Variants in MAP3K1 observed in about 807,000 individuals in gnomAD.
The protein encoded by MAP3K1 is mitogen-activated protein kinase kinase kinase 1, also known as MAP/ERK kinase kinase 1.
MAP3K1 carries 36 observed loss-of-function variants against 144.2 expected under a neutral mutation model. The ratio of observed to expected loss-of-function variants is 0.25; its 90% confidence interval spans 0.19 to 0.33. The LOEUF (loss-of-function observed/expected upper bound fraction) is 0.33, where lower values mean the gene tolerates loss of function less well. Ranked by LOEUF, MAP3K1 falls within the 10% of genes least tolerant of loss-of-function variation. The pLI is 1.00. For synonymous variants in MAP3K1, 718 were observed against 688.7 expected (o/e 1.04, Z -0.67); for missense variants, 1,650 against 1,881.9 (o/e 0.88, Z 2.28).
chr5:56,891,204 A>G lies in MAP3K1; in HGVS notation c.4390-2327A>G, dbSNP rs1345391265. On this transcript the variant is annotated intron_variant, in intron 19 of 19. Transcript: ENST00000399503. The stretch of plus-strand genomic sequence containing the variant: ...CATCAGTAAGTTACATTTGGGGAAA[A>G]GAAGGAAGAGGGACTTTTTTTGTTT... 1.1e-4 allele frequency among the ~76,000 whole-genome samples: 16 copies of G among 148,954 alleles called. No individual in the cohort carries two copies. The East Asian group carries it at 2.9e-3, about 27-fold the overall frequency.
At position 56,882,026 on chromosome 5, in the gene MAP3K1, A is replaced by G. The variant is rs1301219834; in HGVS notation, c.2826A>G (p.Thr942=). The part of the protein sequence containing the change: ...ASISVGPSSS[T]TTTTTTTEQP... ...TTTCAGTAGGACCTTCTAGTTCAAC[A>G]ACAACAACAACAACAACAACAGAGC... Residue 942 remains threonine (T), a synonymous_variant, in exon 14 of 20, where the codon ACA becomes ACG. Coordinates refer to ENST00000399503, the MANE Select transcript of MAP3K1 (RefSeq NM_005921.2). 2 of 967,574 alleles carry G rather than the reference A, an allele frequency of 2.1e-6. No individual in the cohort carries two copies. Among genetic ancestry groups the G allele is most frequent in the African/African-American group, 3.3e-5 (2 of 60,942 alleles). 59.9% of individuals were successfully genotyped at this position (967,574 alleles called of 1,614,324 possible).
At chr5:56,884,915 C>A (rs1383106480) in intron 16 of MAP3K1, 89 bp downstream of exon 16, 4 of 1,240,172 alleles carry the variant, frequency 3.2e-6, no homozygotes, top group Non-Finnish European at 4.6e-6. Flanking sequence ...AAATTTATTT[C>A]TATCAAATAG....
chr5:56,874,032 T>C (rs1242770610), intron 9 of MAP3K1, among the ~76,000 whole-genome samples: 9 of 152,214 alleles, frequency 5.9e-5, no homozygotes, highest in Non-Finnish European at 1.2e-4. Context: ...GCCTAAGCTT[T>C]AGGTCAGACT....
intron 1 of MAP3K1, among the ~76,000 whole-genome samples, chr5:56,844,221 G>A (rs1465691372): frequency 6.3e-5 from 7 of 111,476 alleles, no homozygotes; most frequent in South Asian, 5.9e-4. Flanking sequence ...ACAGAGTCTC[G>A]CTCTGTCGCC....
At chr5:56,860,238 G>GA (rs1224017072) in intron 3 of MAP3K1, among the ~76,000 whole-genome samples, 15 of 151,982 alleles carry the variant, frequency 9.9e-5, no homozygotes, top group African/African-American at 3.4e-4. Context: ...AGCCATTAAA[G>GA]AAAAAAATGC....
At chr5:56,837,857 A>G (rs1022908375) in intron 1 of MAP3K1, among the ~76,000 whole-genome samples, 5 of 152,112 alleles carry the variant, frequency 3.3e-5, no homozygotes, top group Admixed American at 2.6e-4. Context: ...ACTGAGGAAG[A>G]TTTCTTCACA....
chr5:56,882,687 AATG>A lies in MAP3K1; in HGVS notation c.3493_3495del (p.Asp1165del), dbSNP rs765594045. ...TGTCCTGTCTCCTGAAAAGGCTGAA[AATG>A]ATGATACCTACAAAGATGATGTGAA... On this transcript the variant is annotated inframe_deletion, in exon 14 of 20. Coordinates refer to ENST00000399503, the MANE Select transcript of MAP3K1 (RefSeq NM_005921.2). 6.8e-6 allele frequency: 11 copies of A among 1,614,006 alleles called. No homozygotes were observed. Among genetic ancestry groups the A allele is most frequent in the Admixed American group, 5.0e-5 (3 of 59,982 alleles).
intron 1 of MAP3K1, chr5:56,820,328 C>A: frequency 1.6e-6 from 1 of 618,640 alleles, no homozygotes; most frequent in Non-Finnish European, 2.0e-6. Flanking sequence ...CAGTCCATTT[C>A]TTTCCACTAC....
intron 11 of MAP3K1, 146 bp downstream of exon 11, chr5:56,879,247 G>A (rs1748131903): frequency 4.2e-6 from 5 of 1,180,630 alleles, no homozygotes; most frequent in Admixed American, 1.8e-5. Context: ...AAATGAAAAT[G>A]CAGCATAAAG....
At chr5:56,893,414 G>A in intron 19 of MAP3K1, 117 bp from the exon 20 acceptor site, 1 of 1,089,780 alleles carries the variant, frequency 9.2e-7, no homozygotes, top group South Asian at 1.3e-5. Context: ...TCCCACTTCT[G>A]CTTCAGTTCC....
At chr5:56,859,440 A>G (rs1747436130) in intron 2 of MAP3K1, among the ~76,000 whole-genome samples, 1 of 152,140 alleles carries the variant, frequency 6.6e-6, no homozygotes, top group Admixed American at 6.5e-5. Flanking sequence ...AACAAATAAT[A>G]CCATTTCTAC....
intron 1 of MAP3K1, among the ~76,000 whole-genome samples, chr5:56,818,230 A>T (rs1012350673): frequency 6.6e-6 from 1 of 152,092 alleles, no homozygotes; most frequent in African/African-American, 2.4e-5. Context: ...AAGGGCTTGT[A>T]TCTTATTTGA....
intron 1 of MAP3K1, chr5:56,841,963 A>G (rs1470568691): frequency 6.6e-6 from 1 of 152,236 alleles, no homozygotes; most frequent in Admixed American, 6.5e-5. Context: ...ACAGAAAGAT[A>G]CAGATGGAAT....
rs1747344933 is a variant in MAP3K1, at chr5:56,856,408, CTGCATGATA to C, written c.483-190_483-182del. Among the ~76,000 whole-genome samples the C allele has an allele frequency of 3.3e-5, 5 of 152,248 alleles. No individual in the cohort carries two copies. The South Asian group carries it at 8.3e-4, about 25-fold the overall frequency. On this transcript the variant is annotated intron_variant, in intron 1 of 19. Coordinates refer to ENST00000399503, the MANE Select transcript of MAP3K1 (RefSeq NM_005921.2). The stretch of plus-strand genomic sequence containing the variant: ...TTGTTAACTACAGTGGAACATAGGT[CTGCATGATA>C]TATGTCAGTAGTATATAATTCAGAA...
intron 1 of MAP3K1, among the ~76,000 whole-genome samples, chr5:56,835,437 G>T (rs191188130): frequency 7.2e-5 from 10 of 139,438 alleles, no homozygotes; most frequent in African/African-American, 2.5e-4. Context: ...CAGGGAAGAG[G>T]AGACAGGAAG....
At chr5:56,888,190 G>A (rs746369358) in intron 18 of MAP3K1, 36 bp from the exon 19 acceptor site, 4 of 1,603,748 alleles carry the variant, frequency 2.5e-6, no homozygotes, top group Non-Finnish European at 2.6e-6. Context: ...TTTTTCAAAT[G>A]AGTCCTATTT....
At chr5:56,836,302 A>G (rs1278300666) in intron 1 of MAP3K1, among the ~76,000 whole-genome samples, 2 of 125,406 alleles carry the variant, frequency 1.6e-5, no homozygotes, top group East Asian at 4.5e-4. Context: ...CCATATTTCA[A>G]CTTGGTCAGC....
At chr5:56,859,137 A>T (rs879258690) in intron 2 of MAP3K1, among the ~76,000 whole-genome samples, 1 of 151,502 alleles carries the variant, frequency 6.6e-6, no homozygotes, top group Non-Finnish European at 1.5e-5. Context: ...TTAAACTTCT[A>T]GTCTCTTTTG....
intron 1 of MAP3K1, among the ~76,000 whole-genome samples, chr5:56,839,710 C>G (rs1746754577): frequency 6.6e-6 from 1 of 152,132 alleles, no homozygotes. Context: ...CCCCCTGACA[C>G]CCCAAAGATG....
Sources: allele counts gnomAD v4.1 joint callset (sites outside exome capture counted in the v4.1 genomes callset), GRCh38; gene constraint gnomAD v4.1.1; transcripts MANE v1.5; gene names NCBI Gene and HGNC (gene_info 2026-07-23, HGNC 2026-07-21).